Variants in TENM4 observed in about 807,000 individuals in gnomAD.
The protein encoded by TENM4 is teneurin transmembrane protein 4.
Under a neutral mutation model 243.3 loss-of-function variants are expected in TENM4, and 82 were observed. The observed-to-expected ratio is 0.34, with a 90% CI of 0.28 to 0.40. The LOEUF (loss-of-function observed/expected upper bound fraction) is 0.40, where lower values mean the gene tolerates loss of function less well. Among genes scored for constraint, TENM4 ranks in the 10% least tolerant of loss-of-function variants. TENM4 has a pLI of 1.00. For missense variants in TENM4, 3,138 were observed against 3,673.3 expected, an observed-to-expected ratio of 0.85 and a Z score of 3.77; for synonymous variants, 1,412 against 1,456.3, an observed-to-expected ratio of 0.97 and a Z score of 0.69.
chr11:78,965,909 A>G (rs1857429655), intron 6 of TENM4, among the ~76,000 whole-genome samples: 3 of 152,238 alleles, frequency 2.0e-5, no homozygotes, highest in Admixed American at 2.0e-4. Context: ...ACACAGAACT[A>G]TTTCCTAAGA....
intron 1 of TENM4, among the ~76,000 whole-genome samples, chr11:79,400,328 C>G (rs1423010150): frequency 6.6e-6 from 1 of 150,980 alleles, no homozygotes. Context: ...TTTTTTTAAC[C>G]ACACAGACTC....
chr11:78,661,622 T>C, intron 32 of TENM4, 31 bp from the exon 33 acceptor site: 3 of 1,607,258 alleles, frequency 1.9e-6, no homozygotes, highest in South Asian at 1.1e-5. Flanking sequence ...AACATCTCCA[T>C]GGAGTGAGTG....
At chr11:79,139,010 A>C (rs1862195128) in intron 4 of TENM4, among the ~76,000 whole-genome samples, 2 of 54,292 alleles carry the variant, frequency 3.7e-5, no homozygotes, top group South Asian at 9.7e-4. Context: ...AATATATATT[A>C]TATTTCTATA....
intron 1 of TENM4, among the ~76,000 whole-genome samples, chr11:79,373,357 GATAA>G (rs1857826240): frequency 6.7e-6 from 1 of 148,926 alleles, no homozygotes; most frequent in Non-Finnish European, 1.5e-5. Flanking sequence ...TGGATGGATC[GATAA>G]ATGAATGAAG....
intron 9 of TENM4, among the ~76,000 whole-genome samples, chr11:78,877,987 T>C (rs74794228): frequency 0.013 from 1,966 of 152,286 alleles, 41 homozygotes; most frequent in African/African-American, 0.045. Flanking sequence ...AGATGAGCAG[T>C]TAGGGCAAAG....
At chr11:78,818,486 G>T (rs558601824) in intron 12 of TENM4, among the ~76,000 whole-genome samples, 1 of 152,170 alleles carries the variant, frequency 6.6e-6, no homozygotes, top group Non-Finnish European at 1.5e-5. Context: ...TGGGAGACAC[G>T]AAATAATTTT....
chr11:78,918,638 A>C (rs542871159), intron 6 of TENM4, among the ~76,000 whole-genome samples: 6 of 152,024 alleles, frequency 3.9e-5, no homozygotes, highest in Non-Finnish European at 8.8e-5. Context: ...GTAAGATGCA[A>C]TGCAGAGGTG....
Position 79,440,121 on chromosome 11 carries a change from C to A in TENM4, c.-321+388G>T, listed in dbSNP as rs949523134. Among the ~76,000 whole-genome samples, 11 of 152,112 alleles carry A rather than the reference C, an allele frequency of 7.2e-5. No homozygotes were observed. Among genetic ancestry groups the A allele is most frequent in the Non-Finnish European group, 1.3e-4 (9 of 67,990 alleles). On this transcript the variant is annotated intron_variant, in intron 1 of 33. Transcript: ENST00000278550. The surrounding 1 kb of genome is among the most constrained non-coding windows in gnomAD (Gnocchi z 4.7). Reference sequence around the variant, plus strand: ...GCGCCCGACGGGGGCCTGGGGCGAGCTAGTCTGCAGAGGGGCTGCAGGCGA... The same window carrying A: ...GCGCCCGACGGGGGCCTGGGGCGAGATAGTCTGCAGAGGGGCTGCAGGCGA...
intron 5 of TENM4, 81 bp from the exon 6 acceptor site, chr11:79,065,088 A>G: frequency 7.1e-7 from 1 of 1,415,420 alleles, no homozygotes; most frequent in Non-Finnish European, 9.2e-7. Context: ...TGGCCTTCTT[A>G]CCCCAGGGCT....
At position 78,778,596 on chromosome 11, in the gene TENM4, C is replaced by A; in HGVS notation, c.2392+6G>T. ...CAACAGGAAAATAGAGGAAGGAAGA[C>A]CATACCTTTAACTACCCTATCCAGA... is the stretch of plus-strand genomic sequence containing the variant. On this transcript the variant is annotated splice_donor_region_variant and intron_variant, in intron 17 of 33. Transcript: ENST00000278550. 1.9e-6 allele frequency: 3 copies of A among 1,611,502 alleles called. No individual in the cohort carries two copies. Among genetic ancestry groups the A allele is most frequent in the Non-Finnish European group, 2.5e-6 (3 of 1,178,846 alleles).
chr11:79,190,056 G>A (rs1003443662), intron 3 of TENM4, among the ~76,000 whole-genome samples: 5 of 152,186 alleles, frequency 3.3e-5, no homozygotes, highest in African/African-American at 1.2e-4. Flanking sequence ...TCCAAGCAAC[G>A]TGAATCTCTC....
intron 2 of TENM4, among the ~76,000 whole-genome samples, chr11:79,219,036 GT>G (rs1262678028): frequency 6.6e-6 from 1 of 152,210 alleles, no homozygotes; most frequent in Non-Finnish European, 1.5e-5. Context: ...ATGTTTGGCA[GT>G]TTTGTAAGAG....
rs537555338 is a variant in TENM4, at chr11:79,283,534, C to T, written c.-265+13954G>A. ...TAACATCCTTTTGTGACAAAAAAACCCAACAAACTATAAATAGAAGAAATA... is the reference window on the plus strand; with the variant it reads ...TAACATCCTTTTGTGACAAAAAAACTCAACAAACTATAAATAGAAGAAATA... On this transcript the variant is annotated intron_variant, in intron 2 of 33. Transcript: ENST00000278550. 3.3e-5 allele frequency among the ~76,000 whole-genome samples: 5 copies of T among 152,016 alleles called. No individual in the cohort carries two copies. The South Asian group carries it at 1.0e-3, about 32-fold the overall frequency.
chr11:79,218,881 A>G (rs1450051461), intron 2 of TENM4, among the ~76,000 whole-genome samples: 2 of 152,242 alleles, frequency 1.3e-5, no homozygotes, highest in African/African-American at 2.4e-5. Context: ...TTATGGCATT[A>G]TTCATTCATT....
At chr11:79,051,859 G>A (rs901790274) in intron 6 of TENM4, among the ~76,000 whole-genome samples, 3 of 152,168 alleles carry the variant, frequency 2.0e-5, no homozygotes, top group Non-Finnish European at 2.9e-5. Flanking sequence ...ACTTATAAGT[G>A]AGAACATGCA....
chr11:78,863,018 G>A lies in TENM4; in HGVS notation c.1199C>T (p.Pro400Leu). The change falls in exon 10 of 34, where the codon CCC becomes CTC. Residue 400 changes from proline (P) to leucine (L), a missense_variant. This residue lies in a region of TENM4 where 671 missense variants were observed against 614.1 expected (regional missense o/e 1.09). Transcript: ENST00000278550. ...WPVPTDVSLYPSGGTGLETPD... is the reference protein window; with the variant it reads ...WPVPTDVSLYLSGGTGLETPD... ...GGTCTCTAAGCCAGTGCCCCCTGAGGGGTATAGGGAGACGTCGGTTGGCAC... is the reference window on the plus strand; with the variant it reads ...GGTCTCTAAGCCAGTGCCCCCTGAGAGGTATAGGGAGACGTCGGTTGGCAC... 1 of 1,525,584 alleles carries A rather than the reference G, an allele frequency of 6.6e-7. No homozygotes were observed. The highest frequency in any genetic ancestry group is 8.9e-7 in the Non-Finnish European group (1 of 1,126,902). The allele number at this position is 1,525,584 out of a possible 1,614,324, so 94.5% of individuals were successfully genotyped here.
At chr11:79,423,793 G>T (rs1858990847) in intron 1 of TENM4, among the ~76,000 whole-genome samples, 1 of 152,150 alleles carries the variant, frequency 6.6e-6, no homozygotes. Context: ...CAGCAAGTGA[G>T]AGGAGGCCTG....
chr11:78,666,881 G>C (rs1438191324), intron 32 of TENM4, among the ~76,000 whole-genome samples: 1 of 152,198 alleles, frequency 6.6e-6, no homozygotes, highest in African/African-American at 2.4e-5. Flanking sequence ...TCTGGAAGGA[G>C]ACCATATGTA....
At chr11:78,864,433 C>CAAAAAAAAAAAAAAA (rs145489804) in intron 9 of TENM4, among the ~76,000 whole-genome samples, 1 of 36,204 alleles carries the variant, frequency 2.8e-5, no homozygotes, top group African/African-American at 1.3e-4. Context: ...GACTCCGTCT[C>CAAAAAAAAAAAAAAA]AAAAAAAAAA....
Sources: allele counts gnomAD v4.1 joint callset (sites outside exome capture counted in the v4.1 genomes callset), GRCh38; gene constraint gnomAD v4.1.1; regional missense constraint gnomAD v4.1.1; non-coding constraint Gnocchi (gnomAD v3.1); transcripts MANE v1.5; gene names NCBI Gene and HGNC (gene_info 2026-07-23, HGNC 2026-07-21).